KAT6B: variants seen among roughly 807,000 people sequenced by gnomAD.
The protein encoded by KAT6B is histone acetyltransferase KAT6B.
A neutral mutation model predicts 187.5 loss-of-function variants in KAT6B; 10 were observed. The ratio of observed to expected loss-of-function variants is 0.05; its 90% CI spans 0.03 to 0.09. The LOEUF is 0.09. Among genes scored for constraint, KAT6B ranks in the 10% least tolerant of loss-of-function variants. KAT6B has a pLI of 1.00. For synonymous variants in KAT6B, 861 were observed against 926.8 expected, an observed-to-expected ratio of 0.93 and a Z score of 1.29; for missense variants, 1,952 against 2,558.9, an observed-to-expected ratio of 0.76 and a Z score of 5.12.
At chr10:74,989,837 A>G (rs112054783) in intron 13 of KAT6B, among the ~76,000 whole-genome samples, 11 of 152,092 alleles carry the variant, frequency 7.2e-5, no homozygotes, top group African/African-American at 2.7e-4. Flanking sequence ...TGGAGAATCA[A>G]TTCAAAATAT....
chr10:74,994,846 T>C (rs891458898), intron 13 of KAT6B, among the ~76,000 whole-genome samples: 1 of 151,972 alleles, frequency 6.6e-6, no homozygotes, highest in Admixed American at 6.6e-5. Context: ...TCTGATCACT[T>C]AAATGTGCCC....
At chr10:74,977,268 T>C in intron 8 of KAT6B, 48 bp from the exon 9 acceptor site, 2 of 1,604,086 alleles carry the variant, frequency 1.2e-6, no homozygotes, top group Non-Finnish European at 1.7e-6. Flanking sequence ...TGGTGGTTAC[T>C]CATGATTCAA....
At chr10:74,950,859 C>G (rs1394092578) in intron 3 of KAT6B, among the ~76,000 whole-genome samples, 2 of 152,032 alleles carry the variant, frequency 1.3e-5, no homozygotes, top group African/African-American at 2.4e-5. Context: ...TAGCTCATTC[C>G]TGTAATTCCA....
chr10:74,933,081 C>T (rs1848999626), intron 3 of KAT6B, among the ~76,000 whole-genome samples: 1 of 152,180 alleles, frequency 6.6e-6, no homozygotes. Flanking sequence ...AATCATCCAC[C>T]ATTGAATAGA....
chr10:75,012,622 G>A (rs150282099), intron 13 of KAT6B, among the ~76,000 whole-genome samples: 171 of 152,270 alleles, frequency 1.1e-3, no homozygotes, highest in African/African-American at 3.5e-3. Flanking sequence ...ACACAGGGGC[G>A]GTGCAGAGGG....
chr10:74,868,605 A>G (rs1311521754), intron 3 of KAT6B, among the ~76,000 whole-genome samples: 1 of 152,206 alleles, frequency 6.6e-6, no homozygotes, highest in Non-Finnish European at 1.5e-5. Flanking sequence ...ACAGTGATTG[A>G]TGAGGAACTG....
intron 10 of KAT6B, among the ~76,000 whole-genome samples, chr10:74,980,404 G>A (rs1842435882): frequency 6.6e-6 from 1 of 152,106 alleles, no homozygotes; most frequent in African/African-American, 2.4e-5. Flanking sequence ...GCATGTGAGT[G>A]TCTGGCCAAT....
intron 3 of KAT6B, among the ~76,000 whole-genome samples, chr10:74,929,220 C>T (rs919467769): frequency 6.6e-6 from 1 of 151,990 alleles, no homozygotes; most frequent in Non-Finnish European, 1.5e-5. Flanking sequence ...GTTTTTTCTA[C>T]CTAGAGCTGG....
At chr10:74,849,367 C>T (rs1291164880) in intron 3 of KAT6B, among the ~76,000 whole-genome samples, 1 of 151,648 alleles carries the variant, frequency 6.6e-6, no homozygotes, top group East Asian at 1.9e-4. Context: ...CATCTCAGCT[C>T]ACTGCAACCT....
chr10:74,952,748 G>A (rs143098713), intron 3 of KAT6B, among the ~76,000 whole-genome samples: 103 of 151,484 alleles, frequency 6.8e-4, no homozygotes, highest in African/African-American at 2.2e-3. Flanking sequence ...GTATAATGGC[G>A]CGGTCTTGGC....
chr10:74,858,620 G>T (rs111530621), intron 3 of KAT6B, among the ~76,000 whole-genome samples: 2,295 of 152,048 alleles, frequency 0.015, 47 homozygotes, highest in African/African-American at 0.053. Context: ...GTAGAGAAGG[G>T]TCTTTCATTT....
chr10:74,864,104 T>G (rs1379371981), intron 3 of KAT6B, among the ~76,000 whole-genome samples: 1 of 152,208 alleles, frequency 6.6e-6, no homozygotes, highest in Admixed American at 6.5e-5. Context: ...GGTCTCTCTC[T>G]TTCAGCCAGG....
At chr10:74,838,793 G>A (rs2132032697) in intron 2 of KAT6B, 41 bp downstream of exon 2, 1 of 152,246 alleles carries the variant, frequency 6.6e-6, no homozygotes, top group East Asian at 1.9e-4. Context: ...GGTATAAAAT[G>A]ACAATCTTAT....
chr10:74,943,925 T>C (rs1234705292), intron 3 of KAT6B, among the ~76,000 whole-genome samples: 1 of 152,188 alleles, frequency 6.6e-6, no homozygotes, highest in Admixed American at 6.5e-5. Context: ...CTGTATCCAG[T>C]ATATGTAAGG....
intron 2 of KAT6B, among the ~76,000 whole-genome samples, chr10:74,841,850 A>G (rs1841767259): frequency 6.6e-6 from 1 of 152,210 alleles, no homozygotes; most frequent in Admixed American, 6.5e-5. Context: ...ACTCAATACC[A>G]GATTGGAGAT....
At chr10:74,922,849 AT>A (rs986564756) in intron 3 of KAT6B, among the ~76,000 whole-genome samples, 6 of 151,482 alleles carry the variant, frequency 4.0e-5, no homozygotes, top group African/African-American at 1.5e-4. Flanking sequence ...CTGTAGTCAT[AT>A]TTTTTTTTAA....
At chr10:74,941,071 A>T (rs1849637106) in intron 3 of KAT6B, among the ~76,000 whole-genome samples, 1 of 152,214 alleles carries the variant, frequency 6.6e-6, no homozygotes. Context: ...CATCAGAATC[A>T]GGTTAAGATT....
At chr10:75,022,825 G>T (rs189612928) in intron 16 of KAT6B, among the ~76,000 whole-genome samples, 1 of 152,090 alleles carries the variant, frequency 6.6e-6, no homozygotes, top group African/African-American at 2.4e-5. Flanking sequence ...CCAGCTACTC[G>T]GGAGGCTGAG....
chr10:74,906,288 TA>T (rs1846754261), intron 3 of KAT6B, among the ~76,000 whole-genome samples: 1 of 152,080 alleles, frequency 6.6e-6, no homozygotes, highest in South Asian at 2.1e-4. Context: ...TAATCCCAGC[TA>T]CTCAGGAGGC....
Sources: gnomAD v4.1 joint callset for allele counts (sites outside exome capture counted in the v4.1 genomes callset) on GRCh38, gnomAD v4.1.1 for gene constraint, MANE v1.5 for transcripts, NCBI Gene and HGNC (gene_info 2026-07-23, HGNC 2026-07-21) for gene names.